Variants in PAPPA2 observed in about 807,000 individuals in gnomAD.
The protein encoded by PAPPA2 is pappalysin 2.
PAPPA2 carries 86 observed loss-of-function variants against 176.4 expected under a neutral mutation model. That is an observed-to-expected ratio of 0.49 (90% CI 0.41 to 0.58). The LOEUF is 0.58. Among genes scored for constraint, PAPPA2 ranks in the 20% least tolerant of loss-of-function variants. The probability of loss-of-function intolerance (pLI) is 0.00; values close to 1 mark genes in which losing one functional copy is unlikely to be tolerated. For synonymous variants in PAPPA2, 809 were observed against 852.2 expected (o/e 0.95, Z 0.88); for missense variants, 2,073 against 2,256.9 (o/e 0.92, Z 1.65).
intron 2 of PAPPA2, among the ~76,000 whole-genome samples, chr1:176,589,506 G>A (rs1653524787): frequency 6.6e-6 from 1 of 152,146 alleles, no homozygotes; most frequent in African/African-American, 2.4e-5. Flanking sequence ...TATATATGAT[G>A]GAAGCCATTT....
chr1:176,635,428 T>C (rs12133739), intron 3 of PAPPA2, among the ~76,000 whole-genome samples: 9,958 of 152,226 alleles, frequency 0.065, 355 homozygotes, highest in South Asian at 0.14. Flanking sequence ...CCTCAAACAT[T>C]CAGGGTACCA....
chr1:176,738,374 T>C (rs1320365159), intron 12 of PAPPA2, among the ~76,000 whole-genome samples: 2 of 152,110 alleles, frequency 1.3e-5, no homozygotes, highest in Admixed American at 6.6e-5. Flanking sequence ...AAAATCATCC[T>C]AATTAAGCCA....
At chr1:176,582,066 G>A (rs1653013168) in intron 2 of PAPPA2, among the ~76,000 whole-genome samples, 1 of 151,486 alleles carries the variant, frequency 6.6e-6, no homozygotes, top group African/African-American at 2.4e-5. Context: ...TGGGACTACA[G>A]GTGCCCGCCA....
At chr1:176,599,179 G>A (rs567192836) in intron 3 of PAPPA2, among the ~76,000 whole-genome samples, 2 of 150,072 alleles carry the variant, frequency 1.3e-5, no homozygotes, top group South Asian at 4.2e-4. Context: ...ATATATGTAT[G>A]TATGTATGTA....
intron 3 of PAPPA2, among the ~76,000 whole-genome samples, chr1:176,642,077 G>T (rs567876026): frequency 6.6e-6 from 1 of 151,992 alleles, no homozygotes; most frequent in South Asian, 2.1e-4. Context: ...TTAAGTCCCA[G>T]TGAAAGATAA....
intron 3 of PAPPA2, among the ~76,000 whole-genome samples, chr1:176,606,011 T>G (rs539692220): frequency 3.3e-5 from 5 of 152,094 alleles, no homozygotes; most frequent in African/African-American, 1.2e-4. Context: ...AACTCAAATA[T>G]GCTAGGCTAT....
At chr1:176,533,515 A>C (rs1055057966) in intron 1 of PAPPA2, among the ~76,000 whole-genome samples, 5 of 152,220 alleles carry the variant, frequency 3.3e-5, no homozygotes, top group African/African-American at 1.2e-4. Context: ...TTTGTTATTC[A>C]ACTGTAGTGC....
At chr1:176,574,532 C>T (rs558547389) in intron 2 of PAPPA2, among the ~76,000 whole-genome samples, 1 of 152,142 alleles carries the variant, frequency 6.6e-6, no homozygotes, top group Admixed American at 6.5e-5. Flanking sequence ...CTGGGCAGCT[C>T]CCTTTGGCTA....
At chr1:176,475,062 T>C (rs1652049642) in intron 1 of PAPPA2, among the ~76,000 whole-genome samples, 2 of 152,158 alleles carry the variant, frequency 1.3e-5, no homozygotes, top group African/African-American at 4.8e-5. Flanking sequence ...GAAATTTTGT[T>C]TTTTGTGTGT....
chr1:176,481,408 T>A (rs1652397953), intron 1 of PAPPA2, among the ~76,000 whole-genome samples: 1 of 152,032 alleles, frequency 6.6e-6, no homozygotes, highest in Non-Finnish European at 1.5e-5. Flanking sequence ...CGGAATAGTC[T>A]GTCTACCTCA....
intron 3 of PAPPA2, among the ~76,000 whole-genome samples, chr1:176,638,688 T>C (rs976016793): frequency 6.6e-6 from 1 of 152,042 alleles, no homozygotes; most frequent in African/African-American, 2.4e-5. Flanking sequence ...CAAATTCCCA[T>C]GTGCCAAGTG....
chr1:176,755,203 T>C (rs930519658), intron 14 of PAPPA2, among the ~76,000 whole-genome samples: 6 of 151,990 alleles, frequency 3.9e-5, no homozygotes, highest in Non-Finnish European at 7.4e-5. Context: ...AGTCTAGAAA[T>C]TTACAAGGAA....
chr1:176,722,138 AT>A (rs1254777850), intron 12 of PAPPA2, among the ~76,000 whole-genome samples: 1 of 152,164 alleles, frequency 6.6e-6, no homozygotes, highest in Non-Finnish European at 1.5e-5. Flanking sequence ...TTAAAAACAT[AT>A]TAATCACAAT....
chr1:176,570,294 TG>T (rs918902941), intron 2 of PAPPA2, among the ~76,000 whole-genome samples: 5 of 152,204 alleles, frequency 3.3e-5, no homozygotes, highest in Admixed American at 1.3e-4. Context: ...AACTCTCTTT[TG>T]GGGGGGTGAA....
intron 14 of PAPPA2, among the ~76,000 whole-genome samples, chr1:176,759,131 T>A (rs1363977817): frequency 6.6e-6 from 1 of 152,242 alleles, no homozygotes; most frequent in Non-Finnish European, 1.5e-5. Flanking sequence ...ATACGCTAGA[T>A]AAAAGTTGTG....
intron 4 of PAPPA2, among the ~76,000 whole-genome samples, chr1:176,671,924 G>T (rs1659027968): frequency 1.8e-5 from 2 of 109,782 alleles, no homozygotes; most frequent in Admixed American, 2.3e-4. Context: ...GGTGGGGGGA[G>T]GGGGGAGGGA....
rs191406468 is a variant in PAPPA2, at chr1:176,706,277, T to C, written c.3366-82T>C. On this transcript the variant is annotated intron_variant, in intron 9 of 22. Coordinates refer to ENST00000367662, the MANE Select transcript of PAPPA2 (RefSeq NM_020318.3). ...GCACTTTTTAATATATACTGAGAAA[T>C]TGTAAGAATTTTAAATGATGGTAGC... is the stretch of plus-strand genomic sequence containing the variant. The C allele has an allele frequency of 1.3e-4, 165 of 1,258,480 alleles. 1 individual carries two copies. The African/African-American group carries it at 2.3e-3, about 17-fold the overall frequency. The allele number at this position is 1,258,480 out of a possible 1,614,324, so 78.0% of individuals were successfully genotyped here.
chr1:176,798,182 T>C (rs2102946777), intron 20 of PAPPA2, among the ~76,000 whole-genome samples: 1 of 152,378 alleles, frequency 6.6e-6, no homozygotes, highest in South Asian at 2.1e-4. Context: ...ACTCCACTAT[T>C]ATGAATTTAT....
intron 14 of PAPPA2, among the ~76,000 whole-genome samples, chr1:176,755,995 C>T (rs555525027): frequency 3.9e-5 from 6 of 152,238 alleles, no homozygotes; most frequent in African/African-American, 1.2e-4. Flanking sequence ...GAGTTTCGCT[C>T]TTGTTGCCCA....
Sources: gnomAD v4.1 joint callset for allele counts (sites outside exome capture counted in the v4.1 genomes callset) on GRCh38, gnomAD v4.1.1 for gene constraint, MANE v1.5 for transcripts, NCBI Gene and HGNC (gene_info 2026-07-23, HGNC 2026-07-21) for gene names.